Variants in CCM2 observed in about 807,000 individuals in gnomAD.
CCM2 encodes the protein CCM2 scaffold protein.
CCM2 carries 25 observed loss-of-function variants against 44.9 expected under a neutral mutation model. That is an observed-to-expected ratio of 0.56 (90% CI 0.41 to 0.78). CCM2 has a LOEUF of 0.78. Ranked by LOEUF, CCM2 falls within the 30% of genes least tolerant of loss-of-function variation. The pLI, the probability that CCM2 is intolerant of heterozygous loss-of-function variation, is 0.00. For missense variants in CCM2, 481 were observed against 580.6 expected (o/e 0.83, Z 1.76); for synonymous variants, 219 against 241.1 (o/e 0.91, Z 0.85).
chr7:45,030,788 A>G (rs931321117), intron 1 of CCM2, among the ~76,000 whole-genome samples: 1 of 151,906 alleles, frequency 6.6e-6, no homozygotes, highest in South Asian at 2.1e-4. Context: ...CAGTGGCGTG[A>G]TCTTGGCTTA....
At chr7:45,041,099 A>G (rs543967544) in intron 2 of CCM2, among the ~76,000 whole-genome samples, 5 of 152,356 alleles carry the variant, frequency 3.3e-5, no homozygotes, top group African/African-American at 1.2e-4. Context: ...ATGACAGGAA[A>G]GTGAAGTCCC....
chr7:45,009,402 G>GTTTTTT (rs66697662), intron 1 of CCM2, among the ~76,000 whole-genome samples: 1 of 74,796 alleles, frequency 1.3e-5, no homozygotes, highest in Admixed American at 2.1e-4. Flanking sequence ...GGCTATACTT[G>GTTTTTT]TTTTTTTTTT....
intron 1 of CCM2, chr7:45,027,235 G>A (rs556309801): frequency 6.9e-6 from 2 of 288,122 alleles, no homozygotes; most frequent in Non-Finnish European, 1.4e-5. Context: ...AACTGGAACA[G>A]CCTTGTCGCG....
chr7:45,068,643 C>A, intron 5 of CCM2, 64 bp downstream of exon 5: 1 of 1,595,632 alleles, frequency 6.3e-7, no homozygotes, highest in East Asian at 2.2e-5. Context: ...ATGGCCAGCC[C>A]CACCCTGGCC....
intron 1 of CCM2, among the ~76,000 whole-genome samples, chr7:45,021,368 G>C (rs1345564786): frequency 6.6e-6 from 1 of 152,008 alleles, no homozygotes; most frequent in East Asian, 1.9e-4. Context: ...TTCAAGACCA[G>C]CCTGGCCAAC....
At chr7:45,025,029 T>C (rs1562869293) in intron 1 of CCM2, among the ~76,000 whole-genome samples, 1 of 152,200 alleles carries the variant, frequency 6.6e-6, no homozygotes, top group Admixed American at 6.5e-5. Context: ...CTTTAATTTT[T>C]CTCATGTTAA....
At chr7:45,059,502 T>C (rs1798427355) in intron 2 of CCM2, among the ~76,000 whole-genome samples, 1 of 152,080 alleles carries the variant, frequency 6.6e-6, no homozygotes, top group Non-Finnish European at 1.5e-5. Context: ...CCCAGCACTT[T>C]TGAAGGCCGA....
Position 45,069,904 on chromosome 7 carries a change from G to C in CCM2, c.688G>C (p.Asp230His), listed in dbSNP as rs1382547796. 1 of 1,614,066 alleles carries C rather than the reference G, an allele frequency of 6.2e-7. No individual in the cohort carries two copies. Among genetic ancestry groups the C allele is most frequent in the Non-Finnish European group, 8.5e-7 (1 of 1,180,040 alleles). ...VYTESTIDFLDRAIFDGASTP... is the reference protein window; with the variant it reads ...VYTESTIDFLHRAIFDGASTP... ...CACGGAGTCCACCATCGACTTTCTG[G>C]ACAGAGCGATATTTGATGGGGCCTC... The change falls in exon 6 of 10, where the codon GAC becomes CAC. Residue 230 changes from aspartate to histidine, a missense_variant. Coordinates refer to ENST00000258781, the MANE Select transcript of CCM2 (RefSeq NM_031443.4).
chr7:45,004,694 AT>A (rs199850211), intron 1 of CCM2, among the ~76,000 whole-genome samples: 36 of 151,482 alleles, frequency 2.4e-4, no homozygotes, highest in Admixed American at 5.9e-4. Context: ...TTTTAATTCT[AT>A]TTTTTTTTCT....
chr7:45,045,298 T>G (rs1250060778), intron 2 of CCM2, among the ~76,000 whole-genome samples: 5 of 152,194 alleles, frequency 3.3e-5, no homozygotes, highest in Non-Finnish European at 5.9e-5. Flanking sequence ...CCTTGGAACT[T>G]TTGTATTGAT....
At chr7:45,070,463 A>G in intron 6 of CCM2, 1 of 456,370 alleles carries the variant, frequency 2.2e-6, no homozygotes, top group Non-Finnish European at 4.4e-6. Context: ...GCAGTGGCAG[A>G]TGGGGAAGAA....
chr7:45,060,599 C>T (rs1159566916), intron 2 of CCM2, among the ~76,000 whole-genome samples: 1 of 152,188 alleles, frequency 6.6e-6, no homozygotes, highest in Non-Finnish European at 1.5e-5. Context: ...AACTGTCCCA[C>T]AGTTCTTGCA....
Position 45,019,173 on chromosome 7 carries a change from G to A in CCM2, c.30+18810G>A, listed in dbSNP as rs562943899. ...TGCAACCTCCGCCTCCCGGGTTCAA[G>A]TGATTCTCCTGCCTCAGCCTCCTGA... On this transcript the variant is annotated intron_variant, in intron 1 of 9. Transcript: ENST00000258781. Among the ~76,000 whole-genome samples, 4 of 150,388 alleles carry A rather than the reference G, an allele frequency of 2.7e-5. No individual in the cohort carries two copies. The East Asian group carries it at 7.8e-4, about 29-fold the overall frequency.
intron 2 of CCM2, 138 bp downstream of exon 2, chr7:45,038,564 C>A: frequency 2.3e-6 from 2 of 878,694 alleles, no homozygotes; most frequent in East Asian, 2.6e-5. Context: ...ATTGTCTTGT[C>A]TATGCTGATA....
chr7:45,010,470 T>C (rs1339324786), intron 1 of CCM2, among the ~76,000 whole-genome samples: 1 of 152,258 alleles, frequency 6.6e-6, no homozygotes, highest in Admixed American at 6.5e-5. Context: ...GTACTCAGCA[T>C]AATGTTTTTG....
intron 2 of CCM2, among the ~76,000 whole-genome samples, chr7:45,057,454 C>T (rs1363333967): frequency 2.0e-5 from 3 of 152,050 alleles, no homozygotes; most frequent in African/African-American, 7.2e-5. Context: ...AGCCACCGCG[C>T]CTGGCCTTGG....
intron 1 of CCM2, among the ~76,000 whole-genome samples, chr7:45,031,040 C>G (rs761768089): frequency 1.1e-4 from 16 of 151,982 alleles, no homozygotes; most frequent in Non-Finnish European, 1.6e-4. Flanking sequence ...TATTTTTTAA[C>G]TAGAACTTTC....
intron 6 of CCM2, 121 bp from the exon 7 acceptor site, chr7:45,072,605 G>A: frequency 2.6e-6 from 2 of 777,482 alleles, no homozygotes; most frequent in South Asian, 1.4e-5. Context: ...ATGAAGGACA[G>A]CAGGGTCCCT....
chr7:45,070,490 G>T (rs761893986), intron 6 of CCM2: 2 of 456,256 alleles, frequency 4.4e-6, no homozygotes, highest in South Asian at 3.1e-5. Flanking sequence ...GTACCCCAGA[G>T]CTGTCTCTTC....
Sources: allele counts gnomAD v4.1 joint callset (sites outside exome capture counted in the v4.1 genomes callset), GRCh38; gene constraint gnomAD v4.1.1; transcripts MANE v1.5; gene names NCBI Gene and HGNC (gene_info 2026-07-23, HGNC 2026-07-21).